The following PRMT3 variants were observed in gnomAD, a reference collection of about 807,000 sequenced individuals.
PRMT3 encodes protein arginine N-methyltransferase 3.
PRMT3 carries 62 observed loss-of-function variants against 71.9 expected under a neutral mutation model. The observed-to-expected ratio is 0.86, with a 90% CI of 0.70 to 1.07. The LOEUF is 1.07. Among genes scored for constraint, PRMT3 ranks in the 50% least tolerant of loss-of-function variants. The pLI is 0.00. For missense variants in PRMT3, 663 were observed against 643.0 expected (o/e 1.03, Z -0.34); for synonymous variants, 213 against 220.4 (o/e 0.97, Z 0.30).
chr11:20,461,306 A>G (rs1336796338), intron 11 of PRMT3, among the ~76,000 whole-genome samples: 1 of 152,138 alleles, frequency 6.6e-6, no homozygotes, highest in Non-Finnish European at 1.5e-5. Flanking sequence ...TGCTCCAGCC[A>G]AGTCTGAATT....
chr11:20,441,599 G>A (rs1056306927), intron 10 of PRMT3, among the ~76,000 whole-genome samples: 3 of 151,832 alleles, frequency 2.0e-5, no homozygotes, highest in African/African-American at 7.3e-5. Flanking sequence ...GAGCCACCGC[G>A]CCCAGCCTGT....
At chr11:20,474,646 C>T (rs1029569267) in intron 13 of PRMT3, among the ~76,000 whole-genome samples, 1 of 152,184 alleles carries the variant, frequency 6.6e-6, no homozygotes, top group African/African-American at 2.4e-5. Context: ...TGGGCAGGAT[C>T]GCACAATCAC....
At position 20,400,461 on chromosome 11, in the gene PRMT3, C is replaced by G. The variant is rs148398929; in HGVS notation, c.706-2458C>G. On this transcript the variant is annotated intron_variant, in intron 7 of 15. Coordinates refer to ENST00000331079, the MANE Select transcript of PRMT3 (RefSeq NM_005788.4). ...CTTTATCTTTTTGAAGAAGAGTCATCATTGGCTAACACTATAAATCCGAAA... is the reference window on the plus strand; with the variant it reads ...CTTTATCTTTTTGAAGAAGAGTCATGATTGGCTAACACTATAAATCCGAAA... Among the ~76,000 whole-genome samples, 697 of 152,250 alleles carry G rather than the reference C, an allele frequency of 4.6e-3. 4 individuals are homozygous for G. The highest frequency in any genetic ancestry group is 7.2e-3 in the Non-Finnish European group (487 of 67,990).
At chr11:20,453,874 C>T (rs1198256433) in intron 11 of PRMT3, among the ~76,000 whole-genome samples, 2 of 152,056 alleles carry the variant, frequency 1.3e-5, no homozygotes, top group African/African-American at 2.4e-5. Flanking sequence ...ATCTGAAAAT[C>T]GGACATCTGA....
intron 2 of PRMT3, among the ~76,000 whole-genome samples, chr11:20,388,494 T>C (rs143349979): frequency 2.1e-4 from 32 of 152,318 alleles, no homozygotes; most frequent in African/African-American, 7.5e-4. Context: ...ATATTCTGTT[T>C]TTATGAGGAC....
intron 13 of PRMT3, among the ~76,000 whole-genome samples, chr11:20,486,755 A>G (rs1851082879): frequency 6.6e-6 from 1 of 152,186 alleles, no homozygotes; most frequent in African/African-American, 2.4e-5. Context: ...ATTTCTTCTA[A>G]GAATGAAGCT....
rs757648321 is a variant in PRMT3, at chr11:20,464,543, C to A, written c.1344C>A (p.Cys448Ter). ...TGAAAATCACAAGGACATCCATGTG[C>A]ACGGTAAGCTATTTCATTCTGCTTT... ...FTLKITRTSM[C>*]TAIAGYFDIY... Residue 448 changes from cysteine to a stop codon, truncating the protein, a stop_gained, in exon 13 of 16, where the codon TGC becomes TGA. Coordinates refer to ENST00000331079, the MANE Select transcript of PRMT3 (RefSeq NM_005788.4). LOFTEE classifies it high-confidence loss of function. 3.7e-6 allele frequency: 6 copies of A among 1,610,314 alleles called. No homozygotes were observed. The highest frequency in any genetic ancestry group is 5.1e-6 in the Non-Finnish European group (6 of 1,178,658).
chr11:20,480,036 G>C (rs751341752), intron 13 of PRMT3, among the ~76,000 whole-genome samples: 5 of 152,172 alleles, frequency 3.3e-5, no homozygotes, highest in Middle Eastern at 3.4e-3. Context: ...ATTTAAAAAG[G>C]GGGGAAAGGC....
intron 9 of PRMT3, among the ~76,000 whole-genome samples, chr11:20,410,239 A>T (rs745809066): frequency 5.3e-5 from 8 of 152,110 alleles, no homozygotes; most frequent in Non-Finnish European, 8.8e-5. Context: ...AAATATTTAA[A>T]ATGTTTCTGA....
intron 14 of PRMT3, 79 bp from the exon 15 acceptor site, chr11:20,494,088 G>A: frequency 6.8e-7 from 1 of 1,472,042 alleles, no homozygotes; most frequent in East Asian, 2.3e-5. Flanking sequence ...TGGGGCTTGT[G>A]TTTGATGTCG....
Position 20,389,839 on chromosome 11 carries a change from T to G in PRMT3, c.247+13T>G. ...GTTCATAAACATGGTGAGTAGTTTT[T>G]AGAATAAAGGCAATTTAATTTGTGA... is the stretch of plus-strand genomic sequence containing the variant. On this transcript the variant is annotated intron_variant, in intron 3 of 15. Transcript: ENST00000331079. 6.3e-7 allele frequency: 1 copy of G among 1,587,412 alleles called. No individual in the cohort carries two copies. The highest frequency in any genetic ancestry group is 8.6e-7 in the Non-Finnish European group (1 of 1,156,482).
chr11:20,498,899 T>G (rs1425522450), intron 15 of PRMT3, among the ~76,000 whole-genome samples: 1 of 152,188 alleles, frequency 6.6e-6, no homozygotes, highest in Non-Finnish European at 1.5e-5. Flanking sequence ...CAAATTTATT[T>G]TCAGCAGACT....
intron 13 of PRMT3, among the ~76,000 whole-genome samples, chr11:20,470,802 C>G (rs970958827): frequency 6.6e-6 from 1 of 152,114 alleles, no homozygotes; most frequent in Non-Finnish European, 1.5e-5. Flanking sequence ...GCCTCTAGGT[C>G]TTTGAGGAAT....
chr11:20,473,580 T>C (rs776433959), intron 13 of PRMT3, among the ~76,000 whole-genome samples: 6 of 152,194 alleles, frequency 3.9e-5, no homozygotes, highest in Admixed American at 1.3e-4. Context: ...GAGACTGTTA[T>C]GATTTCAATT....
At chr11:20,454,149 G>T (rs570870847) in intron 11 of PRMT3, among the ~76,000 whole-genome samples, 1 of 152,126 alleles carries the variant, frequency 6.6e-6, no homozygotes, top group East Asian at 1.9e-4. Flanking sequence ...ATATTAAATG[G>T]CTAAACCATG....
chr11:20,495,492 AC>A (rs1430929274), intron 15 of PRMT3, among the ~76,000 whole-genome samples: 1 of 152,244 alleles, frequency 6.6e-6, no homozygotes, highest in East Asian at 1.9e-4. Flanking sequence ...AGCCTGGGTG[AC>A]ACAGCAAGAC....
At chr11:20,471,342 G>T (rs1850640094) in intron 13 of PRMT3, among the ~76,000 whole-genome samples, 1 of 152,074 alleles carries the variant, frequency 6.6e-6, no homozygotes, top group Non-Finnish European at 1.5e-5. Context: ...GGTTTTTATA[G>T]TTTTGGGTTT....
chr11:20,463,392 C>T (rs1056923884), intron 12 of PRMT3, among the ~76,000 whole-genome samples: 2 of 152,168 alleles, frequency 1.3e-5, no homozygotes, highest in Non-Finnish European at 2.9e-5. Context: ...CTCTTTGGCT[C>T]AGGATAGGAG....
intron 13 of PRMT3, among the ~76,000 whole-genome samples, chr11:20,488,850 T>C (rs188994192): frequency 1.1e-4 from 17 of 152,284 alleles, no homozygotes; most frequent in Admixed American, 1.0e-3. Flanking sequence ...ATGAACTGCA[T>C]TTACCTTTAT....
Sources: gnomAD v4.1 joint callset for allele counts (sites outside exome capture counted in the v4.1 genomes callset) on GRCh38, gnomAD v4.1.1 for gene constraint, MANE v1.5 for transcripts, NCBI Gene and HGNC (gene_info 2026-07-23, HGNC 2026-07-21) for gene names.